Variants in RYR2 observed in about 807,000 individuals in gnomAD.
RYR2 encodes the protein ryanodine receptor 2, also known as cardiac muscle ryanodine receptor-calcium release channel.
A neutral mutation model predicts 601.1 loss-of-function variants in RYR2; 227 were observed. The ratio of observed to expected loss-of-function variants is 0.38; its 90% CI spans 0.34 to 0.42. The LOEUF (loss-of-function observed/expected upper bound fraction) is 0.42. Ranked by LOEUF, RYR2 falls within the 10% of genes least tolerant of loss-of-function variation. The probability of loss-of-function intolerance (pLI) is 1.00; values close to 1 mark genes in which losing one functional copy is unlikely to be tolerated. For synonymous variants in RYR2, 2,223 were observed against 2,175.1 expected, an observed-to-expected ratio of 1.02 and a Z score of -0.61; for missense variants, 4,646 against 6,156.5, an observed-to-expected ratio of 0.75 and a Z score of 8.21.
In RYR2 at chr1:237,815,293, TA is replaced by T. The variant is rs1373677279; in HGVS notation, c.14434-3739del. Among the ~76,000 whole-genome samples the T allele has an allele frequency of 5.3e-5, 8 of 152,266 alleles. No homozygotes were observed. The East Asian group carries it at 1.5e-3, about 29-fold the overall frequency. On this transcript the variant is annotated intron_variant, in intron 100 of 104. Transcript: ENST00000366574. ...CTGATTCTATGAAAAGAAAGGTGGA[TA>T]AAAGGATTTTCAGTTGCAGCAGGAT...
intron 1 of RYR2, among the ~76,000 whole-genome samples, chr1:237,122,089 G>A (rs1670847218): frequency 6.6e-6 from 1 of 152,174 alleles, no homozygotes; most frequent in Admixed American, 6.5e-5. Flanking sequence ...ATAGATAATA[G>A]GCTTATAAAA....
At chr1:237,804,057 G>A (rs1660320756) in intron 98 of RYR2, among the ~76,000 whole-genome samples, 1 of 152,148 alleles carries the variant, frequency 6.6e-6, no homozygotes, top group South Asian at 2.1e-4. Flanking sequence ...AAGAGACCAT[G>A]TGTGCAAATA....
At chr1:237,530,836 G>T (rs191234076) in intron 25 of RYR2, among the ~76,000 whole-genome samples, 1 of 152,124 alleles carries the variant, frequency 6.6e-6, no homozygotes, top group African/African-American at 2.4e-5. Flanking sequence ...CTTGAACTTG[G>T]GAGGCAGAGG....
intron 2 of RYR2, among the ~76,000 whole-genome samples, chr1:237,274,216 T>C (rs1572437092): frequency 6.6e-6 from 1 of 151,066 alleles, no homozygotes; most frequent in Non-Finnish European, 1.5e-5. Context: ...CCTATGTATA[T>C]GTGTATATAT....
intron 1 of RYR2, among the ~76,000 whole-genome samples, chr1:237,210,228 A>T (rs12732525): frequency 1.3e-5 from 2 of 148,560 alleles, no homozygotes; most frequent in South Asian, 2.2e-4. Context: ...TTTTAAAAAA[A>T]TTTTTAACAT....
Position 237,531,252 on chromosome 1 carries a change from A to G in RYR2, c.2906+742A>G, listed in dbSNP as rs558726905. ...AAGATGAGAAAATTGAGGTAGATAG[A>G]TGCTGTAGTACTGGTTTGGCCTGCT... On this transcript the variant is annotated intron_variant, in intron 25 of 104. Coordinates refer to ENST00000366574, the MANE Select transcript of RYR2 (RefSeq NM_001035.3). Among the ~76,000 whole-genome samples, 11 of 152,318 alleles carry G rather than the reference A, an allele frequency of 7.2e-5. 1 individual carries two copies. Among genetic ancestry groups the G allele is most frequent in the African/African-American group, 2.6e-4 (11 of 41,578 alleles).
chr1:237,399,513 G>C (rs1338242007), intron 10 of RYR2, among the ~76,000 whole-genome samples: 1 of 152,206 alleles, frequency 6.6e-6, no homozygotes, highest in African/African-American at 2.4e-5. Flanking sequence ...AATGCTGAGT[G>C]CCATGAAGTA....
chr1:237,587,370 T>G (rs1310649822), intron 29 of RYR2, among the ~76,000 whole-genome samples: 1 of 152,166 alleles, frequency 6.6e-6, no homozygotes, highest in Non-Finnish European at 1.5e-5. Context: ...TTAAATAAAA[T>G]TTTAAAAATG....
chr1:237,312,708 A>G (rs1694699642), intron 2 of RYR2, among the ~76,000 whole-genome samples: 1 of 152,190 alleles, frequency 6.6e-6, no homozygotes, highest in Admixed American at 6.5e-5. Context: ...TCAAATAAAG[A>G]GCTTAGATGA....
At chr1:237,395,665 T>C (rs1045517910) in intron 10 of RYR2, among the ~76,000 whole-genome samples, 1 of 149,164 alleles carries the variant, frequency 6.7e-6, no homozygotes, top group South Asian at 2.2e-4. Flanking sequence ...TCCTGCCTCA[T>C]CCTCCCAAGT....
intron 1 of RYR2, among the ~76,000 whole-genome samples, chr1:237,268,950 A>AAAAAAAAAAAAC (rs1689379445): frequency 1.9e-5 from 2 of 107,150 alleles, no homozygotes; most frequent in Non-Finnish European, 2.1e-5. Flanking sequence ...AAAAAAAAAA[A>AAAAAAAAAAAAC]AAAAAAAAAA....
chr1:237,382,362 CT>C (rs528908529), intron 8 of RYR2, among the ~76,000 whole-genome samples: 11 of 152,220 alleles, frequency 7.2e-5, no homozygotes, highest in African/African-American at 2.6e-4. Context: ...CTCTAAATTT[CT>C]TTTTTTATTT....
intron 27 of RYR2, among the ~76,000 whole-genome samples, chr1:237,551,222 A>G (rs746277296): frequency 6.6e-6 from 1 of 152,226 alleles, no homozygotes; most frequent in Non-Finnish European, 1.5e-5. Context: ...TTTTCCTTAA[A>G]TAATACCTTT....
intron 17 of RYR2, among the ~76,000 whole-genome samples, chr1:237,490,150 A>G (rs1425935963): frequency 6.6e-6 from 1 of 152,196 alleles, no homozygotes; most frequent in Non-Finnish European, 1.5e-5. Flanking sequence ...GGACATAAAG[A>G]TAGCAACAAT....
chr1:237,636,794 A>G (rs1025307004), intron 44 of RYR2, among the ~76,000 whole-genome samples: 5 of 152,242 alleles, frequency 3.3e-5, no homozygotes, highest in Non-Finnish European at 5.9e-5. Context: ...CCGACCATCA[A>G]TGTATTAGTT....
chr1:237,601,218 G>C (rs898527556), intron 34 of RYR2, among the ~76,000 whole-genome samples: 4 of 152,120 alleles, frequency 2.6e-5, no homozygotes, highest in African/African-American at 9.7e-5. Context: ...TGAAGAAAAT[G>C]TGGTATATAT....
intron 72 of RYR2, among the ~76,000 whole-genome samples, chr1:237,717,963 G>A (rs779790457): frequency 2.6e-5 from 4 of 152,136 alleles, no homozygotes; most frequent in Admixed American, 1.3e-4. Flanking sequence ...ACTGAAGCTC[G>A]TCACTGAACA....
At chr1:237,280,779 T>TA (rs1690768850) in intron 2 of RYR2, among the ~76,000 whole-genome samples, 2 of 130,152 alleles carry the variant, frequency 1.5e-5, no homozygotes, top group South Asian at 5.1e-4. Context: ...TTCTTCTTAC[T>TA]GGTTTTTTTT....
intron 1 of RYR2, among the ~76,000 whole-genome samples, chr1:237,104,196 C>T (rs1668427100): frequency 6.6e-6 from 1 of 152,162 alleles, no homozygotes. Flanking sequence ...TGGAACGTGC[C>T]TGTCTGTGGC....
Sources: allele counts gnomAD v4.1 joint callset (sites outside exome capture counted in the v4.1 genomes callset), GRCh38; gene constraint gnomAD v4.1.1; transcripts MANE v1.5; gene names NCBI Gene and HGNC (gene_info 2026-07-23, HGNC 2026-07-21).